The following WNT3 variants were observed in gnomAD, a reference collection of about 807,000 sequenced individuals.
WNT3 encodes the protein proto-oncogene Wnt-3.
In WNT3, 7 loss-of-function variants were observed where a neutral mutation model predicts 34.2. That is an observed-to-expected ratio of 0.20 (90% confidence interval 0.12 to 0.38). WNT3 has a LOEUF of 0.38. WNT3 is among the 10% of genes least tolerant of loss of function. WNT3 has a pLI of 1.00. For missense variants in WNT3, 267 were observed against 499.8 expected (o/e 0.53, Z 4.44); for synonymous variants, 212 against 211.5 (o/e 1.00, Z -0.02).
intron 1 of WNT3, among the ~76,000 whole-genome samples, chr17:46,775,739 G>A (rs773072435): frequency 2.0e-5 from 3 of 148,298 alleles, no homozygotes; most frequent in Admixed American, 6.8e-5. Context: ...TCAGCCTCCC[G>A]AGTAGCTGGG....
At chr17:46,797,338 C>G (rs1034370497) in intron 1 of WNT3, among the ~76,000 whole-genome samples, 1 of 152,128 alleles carries the variant, frequency 6.6e-6, no homozygotes, top group Non-Finnish European at 1.5e-5. Context: ...TGAGAGGACT[C>G]CCAGGAAGAC....
intron 1 of WNT3, among the ~76,000 whole-genome samples, chr17:46,774,890 A>G (rs2059401722): frequency 6.6e-6 from 1 of 152,200 alleles, no homozygotes. Context: ...GCCTTCAAGG[A>G]CAATTGCAAT....
At chr17:46,809,463 C>A (rs1352311678) in intron 1 of WNT3, among the ~76,000 whole-genome samples, 1 of 152,226 alleles carries the variant, frequency 6.6e-6, no homozygotes, top group African/African-American at 2.4e-5. Context: ...TTGCTCCCAT[C>A]CCCCTCCCCA....
At chr17:46,786,494 C>T (rs761581357) in intron 1 of WNT3, among the ~76,000 whole-genome samples, 3 of 152,246 alleles carry the variant, frequency 2.0e-5, no homozygotes, top group Non-Finnish European at 4.4e-5. Context: ...GACCCCAGAG[C>T]GTCTCCCTGA....
At chr17:46,806,165 G>A (rs1308588642) in intron 1 of WNT3, among the ~76,000 whole-genome samples, 1 of 150,676 alleles carries the variant, frequency 6.6e-6, no homozygotes, top group East Asian at 1.9e-4. Context: ...GTTGGGTCCT[G>A]TGATCCTCGG....
intron 1 of WNT3, among the ~76,000 whole-genome samples, chr17:46,799,749 G>A (rs1253008954): frequency 1.3e-5 from 2 of 152,094 alleles, no homozygotes; most frequent in African/African-American, 4.8e-5. Context: ...CGCCTAGCCA[G>A]TTTCTGTCTG....
chr17:46,816,119 A>ACACACACACACGCACGCACG (rs71138553), intron 1 of WNT3, among the ~76,000 whole-genome samples: 5 of 150,552 alleles, frequency 3.3e-5, no homozygotes, highest in Non-Finnish European at 7.4e-5. Flanking sequence ...ACGTACACAC[A>ACACACACACACGCACGCACG]CACACACACA....
intron 2 of WNT3, 52 bp downstream of exon 2, chr17:46,773,616 T>TGGGGGGGGGGGGGGGGGGGGGGGGG: frequency 2.0e-6 from 2 of 997,788 alleles, no homozygotes; most frequent in Non-Finnish European, 2.9e-6. Flanking sequence ...CATACAGTCC[T>TGGGGGGGGGGGGGGGGGGGGGGGGG]GATCCCTCCC....
At chr17:46,794,115 G>A (rs1035682117) in intron 1 of WNT3, among the ~76,000 whole-genome samples, 5 of 152,140 alleles carry the variant, frequency 3.3e-5, no homozygotes, top group African/African-American at 1.2e-4. Flanking sequence ...AAACTCTCTG[G>A]TGGGAGGGGC....
intron 1 of WNT3, among the ~76,000 whole-genome samples, chr17:46,801,032 C>T (rs1165734215): frequency 6.6e-6 from 1 of 152,190 alleles, no homozygotes; most frequent in East Asian, 1.9e-4. Flanking sequence ...GTCTAACTCA[C>T]TGAGTACACA....
intron 1 of WNT3, among the ~76,000 whole-genome samples, chr17:46,794,178 C>T (rs1427625986): frequency 6.6e-6 from 1 of 151,950 alleles, no homozygotes; most frequent in Middle Eastern, 3.2e-3. Context: ...GGTGGATAAA[C>T]CACAAGACCT....
chr17:46,765,086 C>T (rs557511806), intron 4 of WNT3, among the ~76,000 whole-genome samples: 45 of 152,358 alleles, frequency 3.0e-4, no homozygotes, highest in African/African-American at 9.9e-4. Flanking sequence ...CAATTCCTTC[C>T]CATTGGAGCA....
Position 46,773,761 on chromosome 17 carries a change from T to G in WNT3, c.229A>C (p.Ile77Leu). The change falls in exon 2 of 5, where the codon ATC (isoleucine) becomes CTC (leucine). Residue 77 changes from isoleucine to leucine, a missense_variant. By Grantham distance (5) the Ile-to-Leu change is conservative. Transcript: ENST00000225512. ...PSVAEGVKLG[I>L]QECQHQFRGR... ...CGGAACTGGTGCTGGCACTCCTGGA[T>G]GCCCAGCTTCACGCCCTCGGCCACG... The G allele has an allele frequency of 6.2e-7, 1 of 1,613,250 alleles. No homozygotes were observed. The highest frequency in any genetic ancestry group is 8.5e-7 in the Non-Finnish European group (1 of 1,179,982).
At chr17:46,770,129 G>T in intron 2 of WNT3, 81 bp from the exon 3 acceptor site, 3 of 1,456,888 alleles carry the variant, frequency 2.1e-6, no homozygotes, top group Admixed American at 2.4e-5. Context: ...AGGCCAGGAC[G>T]TGAGGGGAAC....
intron 1 of WNT3, among the ~76,000 whole-genome samples, chr17:46,789,898 C>T (rs1459919816): frequency 6.6e-6 from 1 of 152,232 alleles, no homozygotes; most frequent in Non-Finnish European, 1.5e-5. Context: ...ATTCCACTCT[C>T]TACCTTTCAA....
intron 2 of WNT3, among the ~76,000 whole-genome samples, chr17:46,771,813 C>T (rs912436573): frequency 2.1e-5 from 3 of 144,526 alleles, no homozygotes; most frequent in African/African-American, 7.4e-5. Context: ...GTGTGAATGG[C>T]GCGGCGGCCG....
chr17:46,773,984 T>G, intron 1 of WNT3, 75 bp from the exon 2 acceptor site: 1 of 1,557,648 alleles, frequency 6.4e-7, no homozygotes, highest in South Asian at 1.2e-5. Flanking sequence ...GGCCGCTTTG[T>G]GAACCCTCCG....
intron 1 of WNT3, among the ~76,000 whole-genome samples, chr17:46,779,053 T>A (rs1276708085): frequency 7.0e-5 from 7 of 100,612 alleles, no homozygotes; most frequent in Non-Finnish European, 1.9e-5. Context: ...CCCTACCCCA[T>A]CACACACACA....
intron 1 of WNT3, among the ~76,000 whole-genome samples, chr17:46,790,176 C>A (rs768878390): frequency 2.0e-5 from 3 of 152,172 alleles, no homozygotes; most frequent in Non-Finnish European, 4.4e-5. Flanking sequence ...CCCATTCCTC[C>A]GCAGGCTCCT....
Sources: allele counts gnomAD v4.1 joint callset (sites outside exome capture counted in the v4.1 genomes callset), GRCh38; gene constraint gnomAD v4.1.1; transcripts MANE v1.5; gene names NCBI Gene and HGNC (gene_info 2026-07-23, HGNC 2026-07-21).